The following SLC1A6 variants were observed in gnomAD, a reference collection of about 807,000 sequenced individuals.
SLC1A6 encodes solute carrier family 1 member 6, also known as excitatory amino acid transporter 4.
SLC1A6 carries 15 observed loss-of-function variants against 42.1 expected under a neutral mutation model. That is an observed-to-expected ratio of 0.36 (90% confidence interval 0.24 to 0.55). SLC1A6 has a LOEUF of 0.55. SLC1A6 is among the 20% of genes least tolerant of loss of function. The probability of loss-of-function intolerance (pLI) is 0.88; values close to 1 mark genes in which losing one functional copy is unlikely to be tolerated. For missense variants in SLC1A6, 542 were observed against 772.5 expected (o/e 0.70, Z 3.54); for synonymous variants, 317 against 319.7 (o/e 0.99, Z 0.09).
At chr19:14,950,961 T>C (rs1394538196) in intron 9 of SLC1A6, among the ~76,000 whole-genome samples, 2 of 147,186 alleles carry the variant, frequency 1.4e-5, no homozygotes, top group African/African-American at 5.1e-5. Flanking sequence ...AAAAAGAAAA[T>C]GAGGCAGGGC....
chr19:14,961,628 T>A (rs1379295902), intron 6 of SLC1A6: 1 of 188,156 alleles, frequency 5.3e-6, no homozygotes, highest in Non-Finnish European at 1.1e-5. Flanking sequence ...AATCAATGCA[T>A]TGAAGCATGA....
chr19:14,950,901 T>C (rs917857473), intron 9 of SLC1A6, among the ~76,000 whole-genome samples: 1 of 150,760 alleles, frequency 6.6e-6, no homozygotes, highest in Non-Finnish European at 1.5e-5. Flanking sequence ...GCTATGATCA[T>C]GCCACTCCAC....
intron 1 of SLC1A6, among the ~76,000 whole-genome samples, chr19:14,975,846 A>G (rs1444301671): frequency 2.1e-5 from 2 of 97,466 alleles, no homozygotes; most frequent in Non-Finnish European, 4.2e-5. Flanking sequence ...GGAAGGGGAC[A>G]AAGGGAAGGG....
In SLC1A6 at chr19:14,972,816, T is replaced by C; in HGVS notation, c.95A>G (p.Gln32Arg). The C allele has an allele frequency of 6.2e-7, 1 of 1,610,828 alleles. No homozygotes were observed. Reference sequence around the variant, plus strand: ...GCGCAGGCGCGTGCGCAGTGCTCTCTGCTGCAGGCTTTCCTGCAGCCGCTG... The same window carrying C: ...GCGCAGGCGCGTGCGCAGTGCTCTCCGCTGCAGGCTTTCCTGCAGCCGCTG... The part of the protein sequence containing the change: ...WLQRLQESLQ[Q>R]RALRTRLRLQ... Residue 32 changes from glutamine to arginine, a missense_variant, in exon 2 of 10, where the codon CAG (glutamine) becomes CGG (arginine). Around this residue, in one of 6 missense-constraint regions of SLC1A6, gnomAD observed 88 missense variants for 85.5 expected, o/e 1.03. Transcript: ENST00000594383.
intron 1 of SLC1A6, among the ~76,000 whole-genome samples, chr19:14,995,773 A>G (rs1186619495): frequency 1.3e-5 from 2 of 152,216 alleles, no homozygotes; most frequent in Non-Finnish European, 2.9e-5. Context: ...GTGAACAAAA[A>G]TACAATTTGA....
chr19:14,980,654 C>CAAAAAA (rs35361239), upstream of SLC1A6, among the ~76,000 whole-genome samples: 15 of 125,414 alleles, frequency 1.2e-4, no homozygotes, highest in East Asian at 2.2e-3. Context: ...GAGACTCCGT[C>CAAAAAA]AAAAAAAAAA....
Position 14,964,372 on chromosome 19 carries a change from A to G in SLC1A6, c.549-11T>C, listed in dbSNP as rs750815708. The G allele has an allele frequency of 6.8e-6, 11 of 1,613,112 alleles. No individual in the cohort carries two copies. In the South Asian group the frequency reaches 8.8e-5, roughly 13 times the overall value. Reference sequence around the variant, plus strand: ...GGTGGAAACATATTTCTGCAGAAAAACATGAGAAGAAGGAAAGTGGTTAGA... The same window carrying G: ...GGTGGAAACATATTTCTGCAGAAAAGCATGAGAAGAAGGAAAGTGGTTAGA... On this transcript the variant is annotated splice_polypyrimidine_tract_variant and intron_variant, in intron 4 of 9. Coordinates refer to ENST00000594383, the MANE Select transcript of SLC1A6 (RefSeq NM_005071.3).
At chr19:14,993,644 AGAGT>A (rs2045831477) in intron 1 of SLC1A6, among the ~76,000 whole-genome samples, 1 of 152,208 alleles carries the variant, frequency 6.6e-6, no homozygotes, top group Non-Finnish European at 1.5e-5. Context: ...TACCAAGACA[AGAGT>A]GAGTTTTAAA....
At chr19:14,970,238 T>C (rs1189083657) in intron 3 of SLC1A6, among the ~76,000 whole-genome samples, 1 of 152,032 alleles carries the variant, frequency 6.6e-6, no homozygotes, top group Non-Finnish European at 1.5e-5. Context: ...TCCTGCTGAT[T>C]TTTTTTATTT....
Position 14,964,121 on chromosome 19 carries a change from T to G in SLC1A6, c.591+198A>C, listed in dbSNP as rs142215365. The G allele has an allele frequency of 1.2e-4, 68 of 568,726 alleles. No individual in the cohort carries two copies. In the East Asian group the frequency reaches 2.0e-3, roughly 17 times the overall value. 35.2% of individuals were successfully genotyped at this position (568,726 alleles called of 1,614,324 possible). On this transcript the variant is annotated intron_variant, in intron 5 of 9. Coordinates refer to ENST00000594383, the MANE Select transcript of SLC1A6 (RefSeq NM_005071.3). ...TGGGATTACAAGCCTGATCCACCAT[T>G]CTCGGACCTAAGTGCTTCTCCCTAA...
At chr19:14,963,324 T>A (rs1183954408) in intron 5 of SLC1A6, among the ~76,000 whole-genome samples, 1 of 152,154 alleles carries the variant, frequency 6.6e-6, no homozygotes, top group African/African-American at 2.4e-5. Flanking sequence ...GGGGAGATGT[T>A]GGTAAAAGGA....
intron 1 of SLC1A6, among the ~76,000 whole-genome samples, chr19:15,005,259 CAAA>C (rs59367163): frequency 0.086 from 7,791 of 91,002 alleles, 411 homozygotes; most frequent in African/African-American, 0.21. Context: ...GACCCTGTCT[CAAA>C]AAAAAAAAAA....
intron 1 of SLC1A6, among the ~76,000 whole-genome samples, chr19:15,004,838 T>C (rs2045888522): frequency 6.6e-6 from 1 of 152,234 alleles, no homozygotes; most frequent in South Asian, 2.1e-4. Context: ...CTGAAAAATT[T>C]TCCTAGTCCT....
Position 14,968,371 on chromosome 19 carries a change from C to G in SLC1A6, c.480G>C (p.Lys160Asn), listed in dbSNP as rs866985910. ...VTIIHPGKGS[K>N]EGLHREGRIE... Reference sequence around the variant, plus strand: ...TCCGGCCCTCCCGGTGCAGCCCCTCCTTGGAGCCCTTCCCGGGATGGATGA... The same window carrying G: ...TCCGGCCCTCCCGGTGCAGCCCCTCGTTGGAGCCCTTCCCGGGATGGATGA... The change falls in exon 4 of 10, where the codon AAG (lysine) becomes AAC (asparagine). Residue 160 changes from lysine (K) to asparagine (N), a missense_variant. Physicochemically the swap from Lys to Asn is moderately conservative, Grantham distance 94. Coordinates refer to ENST00000594383, the MANE Select transcript of SLC1A6 (RefSeq NM_005071.3). 6.2e-7 allele frequency: 1 copy of G among 1,613,836 alleles called. No homozygotes were observed. The highest frequency in any genetic ancestry group is 1.3e-5 in the African/African-American group (1 of 75,034).
chr19:14,988,805 A>C (rs898576123), intron 1 of SLC1A6, among the ~76,000 whole-genome samples: 1 of 152,170 alleles, frequency 6.6e-6, no homozygotes, highest in African/African-American at 2.4e-5. Flanking sequence ...CCTTGAGCTC[A>C]GGAGTAGGAG....
chr19:15,001,281 G>C (rs949641720), intron 1 of SLC1A6, among the ~76,000 whole-genome samples: 8 of 152,180 alleles, frequency 5.3e-5, no homozygotes, highest in African/African-American at 1.7e-4. Flanking sequence ...AGAGCTACGA[G>C]GGGAGGAGGG....
chr19:14,987,365 G>T (rs561917699), intron 1 of SLC1A6, among the ~76,000 whole-genome samples: 1 of 152,148 alleles, frequency 6.6e-6, no homozygotes, highest in South Asian at 2.1e-4. Context: ...TACTCGGGAG[G>T]CTGAGGCAGA....
At chr19:14,953,194 CAG>C (rs1156424545) in intron 8 of SLC1A6, 132 bp from the exon 9 acceptor site, 1 of 685,174 alleles carries the variant, frequency 1.5e-6, no homozygotes, top group Non-Finnish European at 2.4e-6. Context: ...AAGCCAGACA[CAG>C]AGAGAAAAAT....
At position 14,979,049 on chromosome 19, in the gene SLC1A6, G is replaced by GTCTC. The variant is rs1161096319; in HGVS notation, c.-8+259_-8+260insGAGA. Among the ~76,000 whole-genome samples the GTCTC allele has an allele frequency of 8.9e-3, 274 of 30,688 alleles. 1 individual carries two copies. The highest frequency in any genetic ancestry group is 0.028 in the African/African-American group (238 of 8,648). 20.1% of individuals were successfully genotyped at this position (30,688 alleles called of 152,430 possible). On this transcript the variant is annotated intron_variant, in intron 1 of 9. Transcript: ENST00000594383. This position sits in a 1 kb window ranked among gnomAD's most constrained non-coding sequence, Gnocchi z 4.2. ...ACAAATTCAGTCTCTCTCTCTCTCT[G>GTCTC]TCACACACACACACACACACACACA... is the stretch of plus-strand genomic sequence containing the variant.
Sources: allele counts gnomAD v4.1 joint callset (sites outside exome capture counted in the v4.1 genomes callset), GRCh38; gene constraint gnomAD v4.1.1; regional missense constraint gnomAD v4.1.1; non-coding constraint Gnocchi (gnomAD v3.1); transcripts MANE v1.5; gene names NCBI Gene and HGNC (gene_info 2026-07-23, HGNC 2026-07-21).